TMEM26: variants seen among roughly 807,000 people sequenced by gnomAD.
TMEM26 encodes the protein transmembrane protein 26.
A neutral mutation model predicts 28.8 loss-of-function variants in TMEM26; 38 were observed. The ratio of observed to expected loss-of-function variants is 1.32; its 90% CI spans 1.02 to 1.73. The LOEUF (loss-of-function observed/expected upper bound fraction) is 1.73. Ranked by LOEUF, TMEM26 falls within the 40% of genes most tolerant of loss-of-function variation. The pLI, the probability that TMEM26 is intolerant of heterozygous loss-of-function variation, is 0.00. For synonymous variants in TMEM26, 227 were observed against 182.9 expected, an observed-to-expected ratio of 1.24 and a Z score of -1.95; for missense variants, 518 against 447.1, an observed-to-expected ratio of 1.16 and a Z score of -1.43.
In TMEM26 at chr10:61,408,121, C is replaced by T. The variant is rs1839518566; in HGVS notation, c.*2201G>A. ...CAGCCAGTATAAGAGAGTAGGAGTA[C>T]TGGCAGCTAGGTTAACAAATGCTGC... is the stretch of plus-strand genomic sequence containing the variant. On this transcript the variant is annotated 3_prime_UTR_variant, in exon 6 of 6. Transcript: ENST00000399298. The T allele has an allele frequency of 6.6e-6, 1 of 152,098 alleles. No homozygotes were observed. The highest frequency in any genetic ancestry group is 1.5e-5 in the Non-Finnish European group (1 of 68,018). 9.4% of individuals were successfully genotyped at this position (152,098 alleles called of 1,614,324 possible). A position where few individuals can be genotyped will look rare whatever the true frequency, so the allele number is the denominator to read the frequency against.
In TMEM26 at chr10:61,453,143, C is replaced by T; in HGVS notation, c.-62G>A. 2 of 1,544,460 alleles carry T rather than the reference C, an allele frequency of 1.3e-6. No individual in the cohort carries two copies. Among genetic ancestry groups the T allele is most frequent in the Non-Finnish European group, 1.8e-6 (2 of 1,133,712 alleles). ...CGCCCCCAGGACCCTGCCGGGCGTGCCCGGAGCCCACCGGTGAGCAGGAAT... is the reference window on the plus strand; with the variant it reads ...CGCCCCCAGGACCCTGCCGGGCGTGTCCGGAGCCCACCGGTGAGCAGGAAT... On this transcript the variant is annotated 5_prime_UTR_variant, in exon 1 of 6. Coordinates refer to ENST00000399298, the MANE Select transcript of TMEM26 (RefSeq NM_178505.8).
chr10:61,439,890 T>C (rs1840064410), intron 1 of TMEM26, among the ~76,000 whole-genome samples: 1 of 152,212 alleles, frequency 6.6e-6, no homozygotes, highest in Admixed American at 6.5e-5. Context: ...ATTAGGAGAC[T>C]GTTTCTTTAT....
chr10:61,446,149 T>C (rs886752752), intron 1 of TMEM26, among the ~76,000 whole-genome samples: 1 of 152,218 alleles, frequency 6.6e-6, no homozygotes, highest in Non-Finnish European at 1.5e-5. Context: ...TACATTGATC[T>C]GAAGTCTTAT....
chr10:61,408,276 T>C lies in TMEM26; in HGVS notation c.*2046A>G, dbSNP rs1049967271. ...ATAAAGCTAGACTTTGGACAGGCTT[T>C]TTATTTCTCAAGCCCACGAGGAGTC... On this transcript the variant is annotated 3_prime_UTR_variant, in exon 6 of 6. Transcript: ENST00000399298. 2 of 152,206 alleles carry C rather than the reference T, an allele frequency of 1.3e-5. No homozygotes were observed. The highest frequency in any genetic ancestry group is 1.9e-4 in the East Asian group (1 of 5,194). The allele number at this position is 152,206 out of a possible 1,614,324, so 9.4% of individuals were successfully genotyped here.
Position 61,410,487 on chromosome 10 carries a change from C to G in TMEM26, c.942G>C (p.Ser314=). 2 of 1,614,156 alleles carry G rather than the reference C, an allele frequency of 1.2e-6. No individual in the cohort carries two copies. Among genetic ancestry groups the G allele is most frequent in the African/African-American group, 1.3e-5 (1 of 75,036 alleles). The change falls in exon 6 of 6, where the codon TCG becomes TCC. Residue 314 remains serine, a synonymous_variant. Transcript: ENST00000399298. ...TCAGGCCTTCTGACTGACTTCTCAA[C>G]GAAGCACGGACTGCCAATGCCAGCA... ...LVVLALAVRA[S]LRSQSEGLKG... is the part of the protein sequence containing the mutation.
chr10:61,426,723 C>T (rs1839839268), intron 4 of TMEM26, among the ~76,000 whole-genome samples: 1 of 151,996 alleles, frequency 6.6e-6, no homozygotes, highest in African/African-American at 2.4e-5. Flanking sequence ...GTGATCCCTT[C>T]TTCTATTAGA....
intron 4 of TMEM26, among the ~76,000 whole-genome samples, chr10:61,420,325 G>A (rs951001785): frequency 2.0e-4 from 31 of 152,032 alleles, no homozygotes; most frequent in African/African-American, 7.2e-4. Context: ...GAGGCTGGTT[G>A]GTCTTGCTAT....
intron 2 of TMEM26, among the ~76,000 whole-genome samples, chr10:61,433,890 G>A (rs1245581814): frequency 2.0e-5 from 3 of 152,164 alleles, no homozygotes; most frequent in Non-Finnish European, 4.4e-5. Context: ...TGTATTCACC[G>A]TATCAACTTA....
Position 61,415,025 on chromosome 10 carries a change from A to G in TMEM26, c.606-1490T>C, listed in dbSNP as rs150608478. The G allele has an allele frequency of 1.7e-4, 165 of 985,298 alleles. 2 individuals are homozygous for G. The African/African-American group carries it at 2.8e-3, about 16-fold the overall frequency. 61.0% of individuals were successfully genotyped at this position (985,298 alleles called of 1,614,324 possible). ...AAGGCTGTGCTTTTGATTCTTTTCT[A>G]CTTCACATTTTATCATGACTTGGTG... is the stretch of plus-strand genomic sequence containing the variant. On this transcript the variant is annotated intron_variant, in intron 4 of 5. Transcript: ENST00000399298.
At chr10:61,429,908 A>C (rs1839893420) in intron 3 of TMEM26, among the ~76,000 whole-genome samples, 2 of 152,026 alleles carry the variant, frequency 1.3e-5, no homozygotes, top group South Asian at 4.1e-4. Flanking sequence ...AATGATTCCA[A>C]CTTATTTATG....
chr10:61,446,817 C>CAAAAAAAAAAAAAAAAA lies in TMEM26; in HGVS notation c.191+6057_191+6073dup. Among the ~76,000 whole-genome samples the CAAAAAAAAAAAAAAAAA allele has an allele frequency of 5.9e-5, 2 of 33,942 alleles. 1 individual carries two copies. Among genetic ancestry groups the CAAAAAAAAAAAAAAAAA allele is most frequent in the Non-Finnish European group, 9.9e-5 (2 of 20,268 alleles). 22.3% of individuals were successfully genotyped at this position (33,942 alleles called of 152,430 possible). A position where few individuals can be genotyped will look rare whatever the true frequency, so the allele number is the denominator to read the frequency against. On this transcript the variant is annotated intron_variant, in intron 1 of 5. Transcript: ENST00000399298. ...CTGGCGACAGAGCGAGACTCCATCT[C>CAAAAAAAAAAAAAAAAA]AAAAAAAAAAAAAAAAAAAAAAAAA... is the stretch of plus-strand genomic sequence containing the variant.
intron 4 of TMEM26, among the ~76,000 whole-genome samples, chr10:61,420,177 G>C (rs1800191879): frequency 6.6e-6 from 1 of 152,090 alleles, no homozygotes; most frequent in Non-Finnish European, 1.5e-5. Flanking sequence ...AAGTAAGCTA[G>C]AGAAAAGAAA....
rs1366254856 is a variant in TMEM26, at chr10:61,436,233, T to A, written c.207A>T (p.Ile69=). The change falls in exon 2 of 6, where the codon ATA becomes ATT. Residue 69 remains isoleucine, a synonymous_variant. Transcript: ENST00000399298. ...GAACGATGCTAATCAGATATAAAAA[T>A]ATGGCTGGTGAAAACCTGTGAAAAG... The part of the protein sequence containing the change: ...GRGYKWFSPA[I]FLYLISIVPS... 1 of 1,600,978 alleles carries A rather than the reference T, an allele frequency of 6.2e-7. No homozygotes were observed. The highest frequency in any genetic ancestry group is 8.5e-7 in the Non-Finnish European group (1 of 1,173,600).
chr10:61,413,478 C>A lies in TMEM26; in HGVS notation c.663G>T (p.Gln221His), dbSNP rs199600117. The stretch of plus-strand genomic sequence containing the variant: ...ACTTACCTGCCAGGTCAAGTGGAAA[C>A]TGCAGCATGCTCCAAGTCCATATAA... ...ILVIWTWSML[Q>H]FPLDLAVQNV... is the part of the protein sequence containing the mutation. The change falls in exon 5 of 6, where the codon CAG (glutamine) becomes CAT (histidine). Residue 221 changes from glutamine to histidine, a missense_variant. Coordinates refer to ENST00000399298, the MANE Select transcript of TMEM26 (RefSeq NM_178505.8). 8.8e-5 allele frequency: 142 copies of A among 1,613,106 alleles called. No individual in the cohort carries two copies. In the African/African-American group the frequency reaches 1.7e-3, roughly 19 times the overall value.
At chr10:61,418,881 T>C (rs1839697577) in intron 4 of TMEM26, among the ~76,000 whole-genome samples, 1 of 152,042 alleles carries the variant, frequency 6.6e-6, no homozygotes. Context: ...CTAGTGGGAA[T>C]CAAAAGCTAA....
chr10:61,444,318 C>T (rs1450523765), intron 1 of TMEM26, among the ~76,000 whole-genome samples: 1 of 152,064 alleles, frequency 6.6e-6, no homozygotes, highest in African/African-American at 2.4e-5. Flanking sequence ...TTGCTGCCGA[C>T]TACAGGAACT....
chr10:61,427,477 G>A lies in TMEM26; in HGVS notation c.605+1449C>T, dbSNP rs367597141. On this transcript the variant is annotated intron_variant, in intron 4 of 5. Coordinates refer to ENST00000399298, the MANE Select transcript of TMEM26 (RefSeq NM_178505.8). ...TGGTTTTCAAGATTTGGGTTTTTTC[G>A]TTCATTTGGGTTGTTTGTTTTGCTG... Among the ~76,000 whole-genome samples the A allele has an allele frequency of 1.9e-3, 292 of 152,084 alleles. 1 individual carries two copies. Among genetic ancestry groups the A allele is most frequent in the African/African-American group, 6.6e-3 (273 of 41,536 alleles).
At chr10:61,431,452 T>C in intron 2 of TMEM26, 120 bp from the exon 3 acceptor site, 1 of 620,150 alleles carries the variant, frequency 1.6e-6, no homozygotes, top group South Asian at 2.5e-5. Flanking sequence ...ATACAGCATA[T>C]ATATAAACAT....
At chr10:61,447,662 G>A (rs1840206892) in intron 1 of TMEM26, among the ~76,000 whole-genome samples, 2 of 152,144 alleles carry the variant, frequency 1.3e-5, no homozygotes, top group Non-Finnish European at 2.9e-5. Context: ...AAAAGGGGAA[G>A]AGTAGAAAAA....
Sources: gnomAD v4.1 joint callset for allele counts (sites outside exome capture counted in the v4.1 genomes callset) on GRCh38, gnomAD v4.1.1 for gene constraint, MANE v1.5 for transcripts, NCBI Gene and HGNC (gene_info 2026-07-23, HGNC 2026-07-21) for gene names.